SCHIP1: variants seen among roughly 807,000 people sequenced by gnomAD.
The protein encoded by SCHIP1 is schwannomin-interacting protein 1.
In SCHIP1, 8 loss-of-function variants were observed where a neutral mutation model predicts 29.7. The observed-to-expected ratio is 0.27, with a 90% CI of 0.16 to 0.49. The LOEUF (loss-of-function observed/expected upper bound fraction) is 0.49. SCHIP1 is among the 20% of genes least tolerant of loss of function. SCHIP1 has a pLI of 0.99. For missense variants in SCHIP1, 193 were observed against 294.6 expected (o/e 0.66, Z 2.52); for synonymous variants, 76 against 94.9 (o/e 0.80, Z 1.16).
At chr3:159,579,202 C>T in the SCHIP1 span, among the ~76,000 whole-genome samples, 1 of 152,066 alleles carries the variant, frequency 6.6e-6, no homozygotes, top group African/African-American at 2.4e-5. Context: ...GTAATATAAA[C>T]AGGTTTTGTG....
chr3:159,340,876 G>C, the SCHIP1 span, among the ~76,000 whole-genome samples: 1 of 152,112 alleles, frequency 6.6e-6, no homozygotes, highest in Admixed American at 6.5e-5. Flanking sequence ...CCTTTTTCTA[G>C]AGTAGGAACC....
chr3:159,317,036 C>T, the SCHIP1 span, among the ~76,000 whole-genome samples: 1 of 152,166 alleles, frequency 6.6e-6, no homozygotes, highest in African/African-American at 2.4e-5. Context: ...TAACCTAAAC[C>T]TTCATACCTG....
rs548894921 is a variant in SCHIP1, at chr3:159,885,538, T to C, written c.150-669T>C. The stretch of plus-strand genomic sequence containing the variant: ...TATAATGGCTTCCCAAAGGTCTCTG[T>C]CCCTGAGGTTCTGTGTGCAGGAGGT... On this transcript the variant is annotated intron_variant, in intron 2 of 6. Coordinates refer to ENST00000445224, the Ensembl canonical transcript of SCHIP1. Among the ~76,000 whole-genome samples, 57 of 152,304 alleles carry C rather than the reference T, an allele frequency of 3.7e-4. 1 individual carries two copies. The highest frequency in any genetic ancestry group is 6.8e-3 in the Middle Eastern group (2 of 294).
intron 1 of SCHIP1, among the ~76,000 whole-genome samples, chr3:159,841,274 T>C (rs1265052081): frequency 1.3e-5 from 2 of 152,246 alleles, no homozygotes; most frequent in Non-Finnish European, 1.5e-5. Flanking sequence ...TGTATTTATA[T>C]ACTTTGTCTT....
the SCHIP1 span, among the ~76,000 whole-genome samples, chr3:159,501,678 C>A: frequency 6.6e-6 from 1 of 152,170 alleles, no homozygotes; most frequent in African/African-American, 2.4e-5. Flanking sequence ...TACTCAATTT[C>A]ATACATAGCA....
the SCHIP1 span, among the ~76,000 whole-genome samples, chr3:159,379,797 G>GGTC: frequency 6.6e-6 from 1 of 151,160 alleles, no homozygotes; most frequent in Non-Finnish European, 1.5e-5. Context: ...GGAAAAAGAA[G>GGTC]GTCAGTGCCT....
chr3:159,714,161 C>G, the SCHIP1 span, among the ~76,000 whole-genome samples: 21 of 152,240 alleles, frequency 1.4e-4, no homozygotes, highest in Non-Finnish European at 2.4e-4. Flanking sequence ...AACTTGATGC[C>G]AGGAGGCAGG....
chr3:159,717,169 T>A, the SCHIP1 span, among the ~76,000 whole-genome samples: 2 of 152,212 alleles, frequency 1.3e-5, no homozygotes, highest in South Asian at 4.1e-4. Context: ...AATAAAGATG[T>A]TCTTTGAAAC....
At chr3:159,595,913 C>T in the SCHIP1 span, among the ~76,000 whole-genome samples, 3 of 152,112 alleles carry the variant, frequency 2.0e-5, no homozygotes, top group Non-Finnish European at 2.9e-5. Flanking sequence ...ATGACAAAAA[C>T]ACCAAAAGCA....
the SCHIP1 span, among the ~76,000 whole-genome samples, chr3:159,523,176 C>A: frequency 6.6e-6 from 1 of 152,130 alleles, no homozygotes; most frequent in Non-Finnish European, 1.5e-5. Flanking sequence ...AAAATAAAAT[C>A]TATTTTTCTT....
At chr3:159,734,889 T>A in the SCHIP1 span, among the ~76,000 whole-genome samples, 61 of 151,838 alleles carry the variant, frequency 4.0e-4, no homozygotes, top group Admixed American at 3.4e-3. Context: ...AGCTCAGCTT[T>A]AGGACTACAG....
the SCHIP1 span, among the ~76,000 whole-genome samples, chr3:159,295,368 G>T: frequency 2.0e-5 from 3 of 151,842 alleles, no homozygotes; most frequent in Non-Finnish European, 4.4e-5. Context: ...GGTGGAGGTT[G>T]CAGTGAGCCG....
the SCHIP1 span, among the ~76,000 whole-genome samples, chr3:159,475,360 C>A: frequency 7.2e-5 from 11 of 152,086 alleles, no homozygotes; most frequent in African/African-American, 2.7e-4. Context: ...TTATATGAGA[C>A]GTCTAGAATA....
the SCHIP1 span, among the ~76,000 whole-genome samples, chr3:159,626,244 CTATCTATATAGATAGATAGA>C: frequency 1.1e-5 from 1 of 91,704 alleles, no homozygotes; most frequent in African/African-American, 7.1e-5. Flanking sequence ...ATATATCTAT[CTATCTATATAGATAGATAGA>C]TAGATAGATA....
chr3:159,628,173 A>G, the SCHIP1 span, among the ~76,000 whole-genome samples: 1 of 152,204 alleles, frequency 6.6e-6, no homozygotes, highest in African/African-American at 2.4e-5. Flanking sequence ...CTCACCAAAG[A>G]GGAGAAGACC....
chr3:159,683,615 C>G, the SCHIP1 span, among the ~76,000 whole-genome samples: 1 of 152,200 alleles, frequency 6.6e-6, no homozygotes, highest in Non-Finnish European at 1.5e-5. Context: ...CTCACTAGCC[C>G]TGTTCCCAAC....
At chr3:159,664,640 G>A in the SCHIP1 span, among the ~76,000 whole-genome samples, 4 of 152,176 alleles carry the variant, frequency 2.6e-5, no homozygotes, top group African/African-American at 4.8e-5. Context: ...TTGCCACATC[G>A]GAAAGTGTTG....
the SCHIP1 span, among the ~76,000 whole-genome samples, chr3:159,535,974 T>G: frequency 6.6e-6 from 1 of 152,250 alleles, no homozygotes; most frequent in Non-Finnish European, 1.5e-5. Flanking sequence ...GCATGGTAGC[T>G]ATTAGCCACA....
At chr3:159,696,031 A>C in the SCHIP1 span, among the ~76,000 whole-genome samples, 1 of 151,938 alleles carries the variant, frequency 6.6e-6, no homozygotes, top group Admixed American at 6.6e-5. Context: ...ACCAAACATC[A>C]CATTGCTGCC....
Sources: gnomAD v4.1 joint callset for allele counts (sites outside exome capture counted in the v4.1 genomes callset) on GRCh38, gnomAD v4.1.1 for gene constraint, MANE v1.5 for transcripts, NCBI Gene and HGNC (gene_info 2026-07-23, HGNC 2026-07-21) for gene names.